The following ANKFN1 variants were observed in gnomAD, a reference collection of about 807,000 sequenced individuals.
ANKFN1 encodes the protein ankyrin repeat and fibronectin type-III domain-containing protein 1.
ANKFN1 carries 74 observed loss-of-function variants against 108.7 expected under a neutral mutation model. The observed-to-expected ratio is 0.68, with a 90% CI of 0.56 to 0.83. The LOEUF (loss-of-function observed/expected upper bound fraction) is 0.83, where lower values mean the gene tolerates loss of function less well. ANKFN1 is among the 40% of genes least tolerant of loss of function. The pLI is 0.00. For synonymous variants in ANKFN1, 547 were observed against 516.2 expected, an observed-to-expected ratio of 1.06 and a Z score of -0.81; for missense variants, 1,505 against 1,382.3, an observed-to-expected ratio of 1.09 and a Z score of -1.41.
At chr17:56,429,057 T>A (rs908951293) in intron 8 of ANKFN1, among the ~76,000 whole-genome samples, 13 of 152,214 alleles carry the variant, frequency 8.5e-5, no homozygotes, top group African/African-American at 2.4e-4. Flanking sequence ...ACAACTTTTT[T>A]AAATGCCTAC....
chr17:56,188,545 A>G (rs59177695), intron 1 of ANKFN1, among the ~76,000 whole-genome samples: 26,839 of 86,176 alleles, frequency 0.31, 4,232 homozygotes, highest in East Asian at 0.5. Context: ...TAAGATGTAT[A>G]TGTGTGTGTG....
chr17:56,086,283 T>C (rs1905313418), intron 4 of ANKFN1, among the ~76,000 whole-genome samples: 1 of 150,878 alleles, frequency 6.6e-6, no homozygotes, highest in Admixed American at 6.6e-5. Flanking sequence ...CAAGTGCTTG[T>C]AATTCCAGCT....
chr17:56,143,002 A>ACC (rs1426113814), intron 4 of ANKFN1, among the ~76,000 whole-genome samples: 1 of 152,110 alleles, frequency 6.6e-6, no homozygotes, highest in Non-Finnish European at 1.5e-5. Flanking sequence ...GAGACAGATG[A>ACC]CCCTCACCAA....
rs561227554 is a variant in ANKFN1, at chr17:56,136,018, T to A, written c.288+89693T>A. Among the ~76,000 whole-genome samples, 119 of 152,280 alleles carry A rather than the reference T, an allele frequency of 7.8e-4. 1 individual carries two copies. Among genetic ancestry groups the A allele is most frequent in the Non-Finnish European group, 1.3e-3 (88 of 68,020 alleles). On this transcript the variant is annotated intron_variant, in intron 4 of 12. Coordinates refer to the ANKFN1 transcript ENST00000635860. The stretch of plus-strand genomic sequence containing the variant: ...GATAAAAAGGTATCATTTCATGCTC[T>A]AAGAACAATAAAAGAGATTTTTAGG...
intron 3 of ANKFN1, among the ~76,000 whole-genome samples, chr17:56,253,956 C>A (rs2043295840): frequency 6.6e-6 from 1 of 152,082 alleles, no homozygotes; most frequent in Non-Finnish European, 1.5e-5. Flanking sequence ...TATTTATTAT[C>A]TCTTTAAACT....
intron 3 of ANKFN1, among the ~76,000 whole-genome samples, chr17:56,273,354 A>G (rs989956469): frequency 1.3e-5 from 2 of 152,118 alleles, no homozygotes; most frequent in African/African-American, 4.8e-5. Flanking sequence ...TTTGTTTGAC[A>G]CTTGGATTTT....
chr17:56,154,423 C>T (rs1908897472), intron 1 of ANKFN1, among the ~76,000 whole-genome samples: 3 of 152,090 alleles, frequency 2.0e-5, no homozygotes, highest in Admixed American at 2.0e-4. Context: ...GAGATAAGTG[C>T]AAGTAAGGCA....
intron 1 of ANKFN1, among the ~76,000 whole-genome samples, chr17:56,162,869 C>G (rs1321711011): frequency 6.6e-6 from 1 of 151,898 alleles, no homozygotes; most frequent in African/African-American, 2.4e-5. Context: ...AACCCTGTCT[C>G]TACTAAAGTA....
At chr17:56,132,571 A>C (rs898751209) in intron 4 of ANKFN1, among the ~76,000 whole-genome samples, 1 of 152,212 alleles carries the variant, frequency 6.6e-6, no homozygotes, top group African/African-American at 2.4e-5. Flanking sequence ...AGAGTAGGTC[A>C]TTGGGAAAAG....
intron 8 of ANKFN1, among the ~76,000 whole-genome samples, chr17:56,432,030 T>C (rs2048773704): frequency 6.6e-6 from 1 of 152,222 alleles, no homozygotes; most frequent in African/African-American, 2.4e-5. Flanking sequence ...GGAGAGCTCT[T>C]GGCCTGTGGA....
chr17:56,121,402 T>C (rs1333906525), intron 4 of ANKFN1, among the ~76,000 whole-genome samples: 1 of 152,186 alleles, frequency 6.6e-6, no homozygotes, highest in African/African-American at 2.4e-5. Flanking sequence ...TCCTGGATGT[T>C]AGTCATGTAA....
chr17:56,351,114 C>T (rs1459991443), intron 5 of ANKFN1, 147 bp downstream of exon 5: 1 of 740,216 alleles, frequency 1.4e-6, no homozygotes, highest in East Asian at 2.7e-5. Flanking sequence ...AGGGTAGTAA[C>T]TGTACATATT....
At chr17:56,433,702 A>T (rs2048837568) in intron 8 of ANKFN1, among the ~76,000 whole-genome samples, 1 of 152,156 alleles carries the variant, frequency 6.6e-6, no homozygotes, top group African/African-American at 2.4e-5. Flanking sequence ...GGGGTGAGGG[A>T]TAAAAGACCA....
chr17:56,353,270 C>CTT (rs1567937492), intron 5 of ANKFN1, among the ~76,000 whole-genome samples: 20 of 151,200 alleles, frequency 1.3e-4, no homozygotes, highest in Middle Eastern at 3.4e-3. Flanking sequence ...GCGTCTCTCT[C>CTT]CGTTGTGCAG....
At chr17:56,499,182 T>A in intron 20 of ANKFN1, 84 bp downstream of exon 20, 3 of 1,316,262 alleles carry the variant, frequency 2.3e-6, no homozygotes, top group Non-Finnish European at 3.1e-6. Context: ...TATGCTGAGG[T>A]ATTGGTTCCA....
intron 6 of ANKFN1, among the ~76,000 whole-genome samples, chr17:56,370,099 A>G (rs2046769911): frequency 6.6e-6 from 1 of 152,010 alleles, no homozygotes; most frequent in Non-Finnish European, 1.5e-5. Flanking sequence ...CCCCTACTTC[A>G]CCCACCGTCA....
chr17:56,196,127 G>A (rs1477590629), intron 1 of ANKFN1, among the ~76,000 whole-genome samples: 2 of 152,100 alleles, frequency 1.3e-5, no homozygotes, highest in Non-Finnish European at 2.9e-5. Context: ...AATTAACCAA[G>A]TATGGTGGCT....
chr17:56,130,408 T>G (rs926105097), intron 4 of ANKFN1, among the ~76,000 whole-genome samples: 1 of 152,140 alleles, frequency 6.6e-6, no homozygotes. Flanking sequence ...ATTTAAATAT[T>G]TATTAGGTGA....
intron 1 of ANKFN1, among the ~76,000 whole-genome samples, chr17:56,155,659 G>A (rs1247893911): frequency 6.6e-6 from 1 of 152,082 alleles, no homozygotes; most frequent in African/African-American, 2.4e-5. Flanking sequence ...CTTGATTTGG[G>A]GAGTCAGCTT....
Sources: allele counts gnomAD v4.1 joint callset (sites outside exome capture counted in the v4.1 genomes callset), GRCh38; gene constraint gnomAD v4.1.1; transcripts MANE v1.5; gene names NCBI Gene and HGNC (gene_info 2026-07-23, HGNC 2026-07-21).